Variants in SKIC3 observed in about 807,000 individuals in gnomAD.
SKIC3 encodes superkiller complex protein 3.
the SKIC3 span, among the ~76,000 whole-genome samples, chr5:95,497,168 C>T: frequency 6.6e-6 from 1 of 152,154 alleles, no homozygotes; most frequent in Admixed American, 6.5e-5. Context: ...GATCTTCATA[C>T]TTCTTTGTAG....
chr5:95,481,108 A>T, the SKIC3 span, among the ~76,000 whole-genome samples: 1 of 152,124 alleles, frequency 6.6e-6, no homozygotes, highest in Non-Finnish European at 1.5e-5. Context: ...CTTGTGAATT[A>T]TATCATAATA....
the SKIC3 span, among the ~76,000 whole-genome samples, chr5:95,486,565 C>A: frequency 2.6e-5 from 4 of 152,170 alleles, no homozygotes; most frequent in African/African-American, 9.7e-5. Flanking sequence ...CCCGCATGCA[C>A]CACCAGGGAG....
chr5:95,509,603 G>A, the SKIC3 span: 4 of 1,608,802 alleles, frequency 2.5e-6, no homozygotes, highest in Non-Finnish European at 1.7e-6. Context: ...CCTTTGGTAT[G>A]CATTTGCTGC....
chr5:95,498,396 T>C, the SKIC3 span: 8 of 1,614,210 alleles, frequency 5.0e-6, no homozygotes, highest in Non-Finnish European at 6.8e-6. Flanking sequence ...ATATTTGTTT[T>C]TGCACAGCCA....
chr5:95,466,771 AAAAAG>A, the SKIC3 span, among the ~76,000 whole-genome samples: 2 of 152,320 alleles, frequency 1.3e-5, no homozygotes, highest in East Asian at 3.9e-4. Flanking sequence ...CCTTTCTTTA[AAAAAG>A]AAAAGGAATG....
the SKIC3 span, among the ~76,000 whole-genome samples, chr5:95,496,742 C>G: frequency 6.6e-6 from 1 of 152,018 alleles, no homozygotes; most frequent in Non-Finnish European, 1.5e-5. Context: ...GAATAACGAA[C>G]AAGACTCACA....
the SKIC3 span, among the ~76,000 whole-genome samples, chr5:95,472,991 TTTTCTTTATCTAATCCACTATATG>T: frequency 6.6e-6 from 1 of 152,188 alleles, no homozygotes; most frequent in Admixed American, 6.5e-5. Context: ...ATGTACCACA[TTTTCTTTATCTAATCCACTATATG>T]GCACCGAGGT....
the SKIC3 span, among the ~76,000 whole-genome samples, chr5:95,544,630 A>T: frequency 1.3e-5 from 2 of 152,162 alleles, no homozygotes; most frequent in African/African-American, 2.4e-5. Context: ...AGCTCTAAAC[A>T]CTGGGGCCTT....
the SKIC3 span, among the ~76,000 whole-genome samples, chr5:95,496,648 C>A: frequency 2.6e-5 from 4 of 152,104 alleles, no homozygotes; most frequent in Non-Finnish European, 4.4e-5. Flanking sequence ...AATTCTAGGC[C>A]TCAAATTATT....
At chr5:95,526,861 T>C in the SKIC3 span, among the ~76,000 whole-genome samples, 60 of 152,336 alleles carry the variant, frequency 3.9e-4, 1 homozygote, top group South Asian at 0.012. Flanking sequence ...TCATTTTCTC[T>C]TATTAGACAG....
At chr5:95,507,418 T>C in the SKIC3 span, among the ~76,000 whole-genome samples, 1 of 152,160 alleles carries the variant, frequency 6.6e-6, no homozygotes, top group East Asian at 1.9e-4. Context: ...CCCTTGCTTG[T>C]ACATACAGAA....
chr5:95,472,169 T>A, the SKIC3 span, among the ~76,000 whole-genome samples: 1 of 152,334 alleles, frequency 6.6e-6, no homozygotes, highest in Non-Finnish European at 1.5e-5. Context: ...GGATAACTCC[T>A]ACACCAACCC....
At chr5:95,537,188 A>C in the SKIC3 span, 1 of 1,464,334 alleles carries the variant, frequency 6.8e-7, no homozygotes, top group Non-Finnish European at 9.5e-7. Context: ...TTAAATGACA[A>C]ATGATTAAAT....
chr5:95,464,404 TA>T, the SKIC3 span: 178 of 508,882 alleles, frequency 3.5e-4, no homozygotes, highest in African/African-American at 3.9e-3. Context: ...TTTCCCAAAT[TA>T]AATTTTTTTT....
At chr5:95,544,599 A>G in the SKIC3 span, among the ~76,000 whole-genome samples, 1 of 152,182 alleles carries the variant, frequency 6.6e-6, no homozygotes, top group Non-Finnish European at 1.5e-5. Flanking sequence ...AACCACAACA[A>G]TGATGTAACT....
chr5:95,498,926 A>G, the SKIC3 span, among the ~76,000 whole-genome samples: 8 of 152,170 alleles, frequency 5.3e-5, no homozygotes, highest in African/African-American at 1.9e-4. Context: ...CGCCCAGCCT[A>G]TGACTAGAGT....
the SKIC3 span, among the ~76,000 whole-genome samples, chr5:95,465,902 C>T: frequency 2.6e-5 from 4 of 152,172 alleles, no homozygotes. Context: ...ATCAGGCCTC[C>T]TGCTCACAGG....
chr5:95,488,628 T>C, the SKIC3 span, among the ~76,000 whole-genome samples: 1 of 152,206 alleles, frequency 6.6e-6, no homozygotes, highest in East Asian at 1.9e-4. Context: ...CCCAGACAAG[T>C]AAAAGTTGAA....
the SKIC3 span, among the ~76,000 whole-genome samples, chr5:95,542,238 A>C: frequency 1.5e-3 from 223 of 152,260 alleles, no homozygotes; most frequent in African/African-American, 5.3e-3. Context: ...AGATTACTAT[A>C]TGACATTATT....
Sources: gnomAD v4.1 joint callset for allele counts (sites outside exome capture counted in the v4.1 genomes callset) on GRCh38, gnomAD v4.1.1 for gene constraint, MANE v1.5 for transcripts, NCBI Gene and HGNC (gene_info 2026-07-23, HGNC 2026-07-21) for gene names.